JHY: variants seen among roughly 807,000 people sequenced by gnomAD.
JHY encodes the protein jhy protein homolog.
A neutral mutation model predicts 78.0 loss-of-function variants in JHY; 69 were observed. The observed-to-expected ratio is 0.88, with a 90% CI of 0.73 to 1.08. The LOEUF (loss-of-function observed/expected upper bound fraction) is 1.08. JHY is among the 50% of genes least tolerant of loss of function. The pLI is 0.00. For missense variants in JHY, 944 were observed against 927.8 expected (o/e 1.02, Z -0.23); for synonymous variants, 368 against 342.6 (o/e 1.07, Z -0.82).
rs1232173986 is a variant in JHY at position 122,960,763 on chromosome 11, A to G, written c.*1318A>G. ...GAAGAGGTGAAGCAGGCTTCCATCAAACAAATCCAGGATGCAATTGATTTG... is the reference window on the plus strand; with the variant it reads ...GAAGAGGTGAAGCAGGCTTCCATCAGACAAATCCAGGATGCAATTGATTTG... On this transcript the variant is annotated 3_prime_UTR_variant, in exon 9 of 9. Transcript: ENST00000227349. 6.2e-6 allele frequency: 3 copies of G among 484,116 alleles called. No homozygotes were observed. In the East Asian group the frequency reaches 1.2e-4, roughly 19 times the overall value. 30.0% of individuals were successfully genotyped at this position (484,116 alleles called of 1,614,324 possible).
chr11:122,945,071 T>A (rs942840788), intron 5 of JHY, among the ~76,000 whole-genome samples: 1 of 152,196 alleles, frequency 6.6e-6, no homozygotes, highest in African/African-American at 2.4e-5. Flanking sequence ...GAATATTATG[T>A]CTCTCAAATT....
chr11:122,902,078 C>G (rs1186132304), intron 2 of JHY, among the ~76,000 whole-genome samples: 1 of 145,102 alleles, frequency 6.9e-6, no homozygotes, highest in Non-Finnish European at 1.5e-5. Context: ...CTTCTGGAAT[C>G]CCTCCTGAAG....
intron 2 of JHY, among the ~76,000 whole-genome samples, chr11:122,903,681 T>G (rs752643078): frequency 3.9e-5 from 6 of 152,102 alleles, no homozygotes; most frequent in Non-Finnish European, 7.3e-5. Context: ...GGAGTCTCGC[T>G]GTGTTGCCCA....
chr11:122,920,101 C>G (rs1863329487), intron 3 of JHY, among the ~76,000 whole-genome samples: 1 of 152,314 alleles, frequency 6.6e-6, no homozygotes, highest in East Asian at 1.9e-4. Context: ...TGTCTAAACA[C>G]AGGCAGCAGC....
chr11:122,906,838 A>C (rs1433732779), intron 3 of JHY, among the ~76,000 whole-genome samples: 2 of 152,132 alleles, frequency 1.3e-5, no homozygotes, highest in Non-Finnish European at 2.9e-5. Flanking sequence ...TTAAGCTCTT[A>C]TATTACTCTC....
intron 6 of JHY, among the ~76,000 whole-genome samples, chr11:122,947,801 G>A (rs1387908678): frequency 2.0e-5 from 3 of 152,112 alleles, no homozygotes; most frequent in South Asian, 2.1e-4. Flanking sequence ...TGAGGGAAGC[G>A]GGGCTGGGCA....
chr11:122,963,584 C>A lies in JHY; in HGVS notation c.*4139C>A, dbSNP rs61564874. Among the ~76,000 whole-genome samples the A allele has an allele frequency of 2.6e-5, 4 of 152,192 alleles. No homozygotes were observed. Among genetic ancestry groups the A allele is most frequent in the Admixed American group, 2.0e-4 (3 of 15,282 alleles). ...TTGCAAAAACAGGGAGTGACAGACA[C>A]GTTTTTTGCTCCTGTTTTAAAGTAA... On this transcript the variant is annotated 3_prime_UTR_variant, in exon 9 of 9. Coordinates refer to ENST00000227349, the MANE Select transcript of JHY (RefSeq NM_024806.4).
intron 8 of JHY, among the ~76,000 whole-genome samples, chr11:122,958,007 TTGTCTTCTTGC>T (rs1864228528): frequency 6.6e-6 from 1 of 152,214 alleles, no homozygotes; most frequent in Non-Finnish European, 1.5e-5. Context: ...AAGGCAGTTG[TTGTCTTCTTGC>T]TGCTTATATG....
At chr11:122,933,409 T>C (rs546711661) in intron 4 of JHY, among the ~76,000 whole-genome samples, 19 of 152,374 alleles carry the variant, frequency 1.2e-4, no homozygotes, top group African/African-American at 4.3e-4. Flanking sequence ...GCCTCTTAAC[T>C]CAGCTAGTTT....
rs1864286560 is a variant in JHY at position 122,960,354 on chromosome 11, A to G, written c.*909A>G. 1.1e-5 allele frequency: 2 copies of G among 175,506 alleles called. No homozygotes were observed. The highest frequency in any genetic ancestry group is 2.5e-5 in the Non-Finnish European group (2 of 79,266). 10.9% of individuals were successfully genotyped at this position (175,506 alleles called of 1,614,324 possible). ...GCTGTCCTGGGTGGCACTTTCTGCC[A>G]CTGCCACAGTGGCCCCCTCTCTGTA... On this transcript the variant is annotated 3_prime_UTR_variant, in exon 9 of 9. Transcript: ENST00000227349.
intron 3 of JHY, among the ~76,000 whole-genome samples, chr11:122,924,005 G>A (rs146851214): frequency 6.6e-5 from 10 of 150,778 alleles, no homozygotes; most frequent in African/African-American, 2.0e-4. Context: ...CCAAAGTGCC[G>A]GGATTATAGG....
intron 2 of JHY, among the ~76,000 whole-genome samples, chr11:122,894,150 G>A (rs373566715): frequency 6.6e-6 from 1 of 151,874 alleles, no homozygotes; most frequent in Admixed American, 6.6e-5. Context: ...GTGAAACCCC[G>A]TCTCTACTAA....
chr11:122,956,869 G>A (rs750367132), intron 7 of JHY, among the ~76,000 whole-genome samples: 1 of 152,270 alleles, frequency 6.6e-6, no homozygotes, highest in East Asian at 1.9e-4. Context: ...GTGGTTGTTG[G>A]TCTTTCCTAC....
intron 5 of JHY, among the ~76,000 whole-genome samples, chr11:122,939,517 C>A (rs886778055): frequency 6.6e-6 from 1 of 152,094 alleles, no homozygotes; most frequent in Non-Finnish European, 1.5e-5. Context: ...GCTCTTTTCC[C>A]CCCATTTTGT....
intron 3 of JHY, among the ~76,000 whole-genome samples, chr11:122,907,673 C>A (rs772237372): frequency 1.3e-5 from 2 of 151,788 alleles, no homozygotes; most frequent in African/African-American, 2.4e-5. Context: ...GGAGAAAACC[C>A]GTCTCTATTA....
chr11:122,897,046 G>C (rs1468750391), intron 2 of JHY, among the ~76,000 whole-genome samples: 2 of 151,214 alleles, frequency 1.3e-5, no homozygotes, highest in Non-Finnish European at 2.9e-5. Flanking sequence ...TAGTAGAGAC[G>C]GGGTTTCACC....
At chr11:122,922,004 A>T (rs1156641712) in intron 3 of JHY, among the ~76,000 whole-genome samples, 1 of 152,162 alleles carries the variant, frequency 6.6e-6, no homozygotes, top group Non-Finnish European at 1.5e-5. Context: ...AAAGAAGAGA[A>T]ATAGCTCATT....
chr11:122,947,817 G>A (rs1348148223), intron 6 of JHY, among the ~76,000 whole-genome samples: 6 of 152,160 alleles, frequency 3.9e-5, no homozygotes, highest in Non-Finnish European at 8.8e-5. Flanking sequence ...GGGCAGAGAT[G>A]GGCTGTGATG....
Position 122,886,120 on chromosome 11 carries a change from G to A in JHY, c.271G>A (p.Glu91Lys), listed in dbSNP as rs760910634. The A allele has an allele frequency of 1.2e-6, 2 of 1,614,154 alleles. No homozygotes were observed. Among genetic ancestry groups the A allele is most frequent in the South Asian group, 2.2e-5 (2 of 91,078 alleles). Residue 91 changes from glutamate (E) to lysine (K), a missense_variant, in exon 2 of 9, where the codon GAA becomes AAA. Coordinates refer to ENST00000227349, the MANE Select transcript of JHY (RefSeq NM_024806.4). ...RWGSLHEMEE[E>K]ASGKAAQMAR... is the part of the protein sequence containing the mutation. ...GGGAAGCCTGCACGAGATGGAAGAG[G>A]AAGCAAGTGGAAAAGCAGCTCAGAT...
Sources: allele counts gnomAD v4.1 joint callset (sites outside exome capture counted in the v4.1 genomes callset), GRCh38; gene constraint gnomAD v4.1.1; transcripts MANE v1.5; gene names NCBI Gene and HGNC (gene_info 2026-07-23, HGNC 2026-07-21).